Variants in KCNH5 observed in about 807,000 individuals in gnomAD.
KCNH5 encodes voltage-gated delayed rectifier potassium channel KCNH5.
In KCNH5, 46 loss-of-function variants were observed where a neutral mutation model predicts 96.1. That is an observed-to-expected ratio of 0.48 (90% CI 0.38 to 0.61). The LOEUF (loss-of-function observed/expected upper bound fraction) is 0.61. Among genes scored for constraint, KCNH5 ranks in the 20% least tolerant of loss-of-function variants. The pLI, the probability that KCNH5 is intolerant of heterozygous loss-of-function variation, is 0.00. For missense variants in KCNH5, 907 were observed against 1,225.8 expected (o/e 0.74, Z 3.88); for synonymous variants, 439 against 449.8 (o/e 0.98, Z 0.30).
intron 10 of KCNH5, among the ~76,000 whole-genome samples, chr14:62,716,782 T>TG (rs969974961): frequency 2.6e-5 from 4 of 152,088 alleles, no homozygotes; most frequent in Non-Finnish European, 5.9e-5. Context: ...AACATTGTAT[T>TG]GGGGGGTTCT....
chr14:62,973,104 G>A (rs1224021788), intron 6 of KCNH5, among the ~76,000 whole-genome samples: 1 of 141,420 alleles, frequency 7.1e-6, no homozygotes, highest in Non-Finnish European at 1.6e-5. Context: ...ATGCATGTTT[G>A]GGAGCAAAGG....
chr14:62,735,638 C>T (rs76579088), intron 10 of KCNH5, among the ~76,000 whole-genome samples: 2,080 of 152,270 alleles, frequency 0.014, 29 homozygotes, highest in Non-Finnish European at 0.02. Flanking sequence ...CTCACCGATA[C>T]CACTCTGGCC....
At chr14:62,721,666 C>G (rs1465674727) in intron 10 of KCNH5, among the ~76,000 whole-genome samples, 1 of 151,998 alleles carries the variant, frequency 6.6e-6, no homozygotes, top group African/African-American at 2.4e-5. Flanking sequence ...TTATTTCCCT[C>G]CTACCTAGTC....
At chr14:63,019,221 T>C (rs1323518462) in intron 1 of KCNH5, among the ~76,000 whole-genome samples, 1 of 152,058 alleles carries the variant, frequency 6.6e-6, no homozygotes, top group Admixed American at 6.6e-5. Flanking sequence ...CAAGCTACAG[T>C]AGGAATACCT....
chr14:63,033,500 A>G (rs1483095496), intron 1 of KCNH5, among the ~76,000 whole-genome samples: 3 of 152,212 alleles, frequency 2.0e-5, no homozygotes, highest in Non-Finnish European at 4.4e-5. Flanking sequence ...ATCCCAATGC[A>G]CACGATCATC....
At chr14:63,005,307 T>A (rs1891103820) in intron 3 of KCNH5, among the ~76,000 whole-genome samples, 1 of 152,228 alleles carries the variant, frequency 6.6e-6, no homozygotes, top group Non-Finnish European at 1.5e-5. Context: ...TGTCTCACGC[T>A]GTTATTCCTT....
chr14:62,863,363 A>C (rs1208979015), intron 7 of KCNH5, among the ~76,000 whole-genome samples: 1 of 152,214 alleles, frequency 6.6e-6, no homozygotes, highest in Admixed American at 6.5e-5. Context: ...CTGACATGCC[A>C]GTCTGAAGAG....
chr14:62,734,438 A>G (rs148802042), intron 10 of KCNH5, among the ~76,000 whole-genome samples: 74 of 152,244 alleles, frequency 4.9e-4, no homozygotes, highest in African/African-American at 1.7e-3. Flanking sequence ...AGTTAAAGTC[A>G]TAATATTTTA....
intron 1 of KCNH5, among the ~76,000 whole-genome samples, chr14:63,021,646 C>T (rs1891429045): frequency 6.6e-6 from 1 of 152,218 alleles, no homozygotes; most frequent in East Asian, 1.9e-4. Context: ...ATCTCCTCAG[C>T]TCCTGTTCAC....
At chr14:62,931,417 TGAC>T (rs1272537138) in intron 7 of KCNH5, among the ~76,000 whole-genome samples, 2 of 152,138 alleles carry the variant, frequency 1.3e-5, no homozygotes, top group Admixed American at 6.6e-5. Flanking sequence ...GATAGAGGGT[TGAC>T]GACATGTATA....
chr14:62,935,993 A>G (rs1369648561), intron 7 of KCNH5, among the ~76,000 whole-genome samples: 1 of 152,226 alleles, frequency 6.6e-6, no homozygotes, highest in Admixed American at 6.5e-5. Flanking sequence ...ATGCAGTAAC[A>G]TGATCCAGCA....
chr14:62,967,264 T>C (rs1890322214), intron 6 of KCNH5, among the ~76,000 whole-genome samples: 1 of 151,990 alleles, frequency 6.6e-6, no homozygotes, highest in Non-Finnish European at 1.5e-5. Context: ...TTCCTTTTTG[T>C]GGAGATGGGG....
chr14:62,842,571 T>C (rs1411457762), intron 8 of KCNH5, among the ~76,000 whole-genome samples: 1 of 152,218 alleles, frequency 6.6e-6, no homozygotes, highest in African/African-American at 2.4e-5. Context: ...TGAAGAATAG[T>C]TTCTTGCAAT....
At chr14:62,997,831 C>T (rs562474883) in intron 4 of KCNH5, among the ~76,000 whole-genome samples, 10 of 139,108 alleles carry the variant, frequency 7.2e-5, no homozygotes, top group South Asian at 2.2e-4. Flanking sequence ...ACCTGGGAGA[C>T]GGAGCTTGCA....
chr14:62,869,198 G>T (rs1888199206), intron 7 of KCNH5, among the ~76,000 whole-genome samples: 1 of 152,126 alleles, frequency 6.6e-6, no homozygotes, highest in Admixed American at 6.5e-5. Context: ...TCCAGCATCT[G>T]TTATTTCCTT....
chr14:62,960,777 C>G (rs867235362), intron 6 of KCNH5, among the ~76,000 whole-genome samples: 3 of 152,048 alleles, frequency 2.0e-5, no homozygotes, highest in Admixed American at 6.6e-5. Flanking sequence ...CTCAAGCTAC[C>G]AAGAGCTCTA....
intron 7 of KCNH5, among the ~76,000 whole-genome samples, chr14:62,884,141 G>C (rs1157563480): frequency 6.6e-6 from 1 of 152,060 alleles, no homozygotes; most frequent in Admixed American, 6.6e-5. Context: ...ATTTTTCTTA[G>C]TGAAATTATA....
intron 1 of KCNH5, among the ~76,000 whole-genome samples, chr14:63,019,085 A>G (rs1038437165): frequency 4.6e-5 from 7 of 151,890 alleles, no homozygotes; most frequent in Non-Finnish European, 2.9e-5. Context: ...TCTAAAATAT[A>G]TGTAGTTGAG....
chr14:62,909,340 C>A (rs1225637290), intron 7 of KCNH5, among the ~76,000 whole-genome samples: 1 of 151,950 alleles, frequency 6.6e-6, no homozygotes, highest in East Asian at 1.9e-4. Flanking sequence ...CCACCGCGCC[C>A]GGCCTATGCT....
Sources: gnomAD v4.1 joint callset for allele counts (sites outside exome capture counted in the v4.1 genomes callset) on GRCh38, gnomAD v4.1.1 for gene constraint, MANE v1.5 for transcripts, NCBI Gene and HGNC (gene_info 2026-07-23, HGNC 2026-07-21) for gene names.